The following MYO1D variants were observed in gnomAD, a reference collection of about 807,000 sequenced individuals.
The protein encoded by MYO1D is unconventional myosin-Id.
MYO1D carries 83 observed loss-of-function variants against 122.0 expected under a neutral mutation model. The ratio of observed to expected loss-of-function variants is 0.68; its 90% CI spans 0.57 to 0.82. The LOEUF (loss-of-function observed/expected upper bound fraction) is 0.82. Among genes scored for constraint, MYO1D ranks in the 40% least tolerant of loss-of-function variants. MYO1D has a pLI of 0.00. For missense variants in MYO1D, 1,157 were observed against 1,269.5 expected (o/e 0.91, Z 1.35); for synonymous variants, 464 against 446.9 (o/e 1.04, Z -0.48).
At chr17:32,779,781 C>G (rs940989146) in intron 2 of MYO1D, among the ~76,000 whole-genome samples, 1 of 152,212 alleles carries the variant, frequency 6.6e-6, no homozygotes, top group Non-Finnish European at 1.5e-5. Flanking sequence ...CTCCTCTGAC[C>G]TTTAATATTC....
chr17:32,590,290 C>A (rs966495489), intron 21 of MYO1D, among the ~76,000 whole-genome samples: 1 of 152,194 alleles, frequency 6.6e-6, no homozygotes, highest in African/African-American at 2.4e-5. Flanking sequence ...CTATGGGGAG[C>A]ATCTCACCTC....
intron 21 of MYO1D, among the ~76,000 whole-genome samples, chr17:32,590,864 A>C (rs1213803741): frequency 2.0e-5 from 3 of 152,226 alleles, no homozygotes; most frequent in African/African-American, 7.2e-5. Context: ...TTTAACATAT[A>C]TTGTAAGGTT....
intron 16 of MYO1D, among the ~76,000 whole-genome samples, chr17:32,684,633 T>C (rs2881292): frequency 0.029 from 4,490 of 152,240 alleles, 132 homozygotes; most frequent in East Asian, 0.19. Context: ...CAGCCCATCC[T>C]ATTACACAAC....
intron 1 of MYO1D, among the ~76,000 whole-genome samples, chr17:32,842,494 C>A (rs1232924432): frequency 6.6e-6 from 1 of 152,072 alleles, no homozygotes; most frequent in African/African-American, 2.4e-5. Flanking sequence ...TATGTAGATA[C>A]TTTATACACT....
At chr17:32,558,134 A>G (rs1282442574) in intron 21 of MYO1D, among the ~76,000 whole-genome samples, 2 of 152,122 alleles carry the variant, frequency 1.3e-5, no homozygotes, top group Non-Finnish European at 2.9e-5. Context: ...GTCTAGTTTA[A>G]AACAGTTTGT....
rs534969085 is a variant in MYO1D at position 32,848,280 on chromosome 17, G to A, written c.95+28498C>T. The stretch of plus-strand genomic sequence containing the variant: ...TTCCTGCTTTTCATAACTATGCTGT[G>A]GTTATGTAGGAGACCCTCCTTGTTC... On this transcript the variant is annotated intron_variant, in intron 1 of 21. Transcript: ENST00000318217. Among the ~76,000 whole-genome samples the A allele has an allele frequency of 3.9e-5, 6 of 152,256 alleles. No homozygotes were observed. The South Asian group carries it at 1.2e-3, about 32-fold the overall frequency.
At chr17:32,546,695 T>G (rs988305432) in intron 21 of MYO1D, among the ~76,000 whole-genome samples, 7 of 152,168 alleles carry the variant, frequency 4.6e-5, no homozygotes, top group African/African-American at 1.7e-4. Context: ...AAAATATGAG[T>G]TCTCCTGCCT....
chr17:32,672,966 A>G, intron 16 of MYO1D, among the ~76,000 whole-genome samples: 1 of 152,036 alleles, frequency 6.6e-6, no homozygotes. Flanking sequence ...GCCAAACTAT[A>G]TACATATTGA....
chr17:32,641,218 G>C (rs946053409), intron 19 of MYO1D, among the ~76,000 whole-genome samples: 2 of 148,148 alleles, frequency 1.3e-5, no homozygotes, highest in Non-Finnish European at 3.0e-5. Flanking sequence ...AGTTTGCTGA[G>C]AATGATGGTT....
At chr17:32,548,375 C>A (rs2086982618) in intron 21 of MYO1D, among the ~76,000 whole-genome samples, 1 of 151,544 alleles carries the variant, frequency 6.6e-6, no homozygotes, top group South Asian at 2.1e-4. Context: ...TTGCAATGAG[C>A]CAAGATCGCG....
chr17:32,715,020 C>A (rs1240093549), intron 15 of MYO1D, among the ~76,000 whole-genome samples: 1 of 151,970 alleles, frequency 6.6e-6, no homozygotes, highest in Non-Finnish European at 1.5e-5. Flanking sequence ...TAAACAGACA[C>A]TTCTCAAAAA....
chr17:32,854,658 CAGTAAAAACATTTATGGA>C (rs1338701342), intron 1 of MYO1D, among the ~76,000 whole-genome samples: 1 of 152,136 alleles, frequency 6.6e-6, no homozygotes, highest in Non-Finnish European at 1.5e-5. Context: ...CAGGTTAACA[CAGTAAAAACATTTATGGA>C]AGTAAAAACA....
chr17:32,668,017 C>T (rs965260303), intron 16 of MYO1D, among the ~76,000 whole-genome samples: 7 of 152,084 alleles, frequency 4.6e-5, no homozygotes, highest in Non-Finnish European at 8.8e-5. Context: ...AAAATTACTC[C>T]AGATAATAGG....
intron 21 of MYO1D, among the ~76,000 whole-genome samples, chr17:32,597,581 A>G (rs2087509515): frequency 1.3e-5 from 2 of 152,124 alleles, no homozygotes; most frequent in Non-Finnish European, 2.9e-5. Flanking sequence ...ATAGATACGG[A>G]TATCTTCCGG....
chr17:32,739,065 T>C (rs2089743609), intron 13 of MYO1D, among the ~76,000 whole-genome samples: 1 of 152,204 alleles, frequency 6.6e-6, no homozygotes, highest in Non-Finnish European at 1.5e-5. Context: ...TGTATATTCA[T>C]AATTTTGCTC....
intron 1 of MYO1D, among the ~76,000 whole-genome samples, chr17:32,862,494 G>A (rs2091086014): frequency 6.6e-6 from 1 of 152,226 alleles, no homozygotes; most frequent in South Asian, 2.1e-4. Flanking sequence ...GCAGGAAGAT[G>A]CCAAAGTTTT....
intron 21 of MYO1D, chr17:32,497,213 A>C (rs1597856619): frequency 6.6e-6 from 1 of 152,646 alleles, no homozygotes; most frequent in African/African-American, 2.4e-5. Flanking sequence ...AGGGAGGATC[A>C]ATTGAGGCCA....
At chr17:32,628,302 C>T (rs1041860358) in intron 20 of MYO1D, among the ~76,000 whole-genome samples, 1 of 139,644 alleles carries the variant, frequency 7.2e-6, no homozygotes, top group African/African-American at 3.4e-5. Context: ...GAAACCCTAA[C>T]CTTAGTGTGC....
chr17:32,573,874 C>T (rs569161851), intron 21 of MYO1D, among the ~76,000 whole-genome samples: 10 of 151,380 alleles, frequency 6.6e-5, no homozygotes, highest in African/African-American at 2.4e-4. Flanking sequence ...TTTTTTGAGA[C>T]GGAGTCTCGC....
Sources: gnomAD v4.1 joint callset for allele counts (sites outside exome capture counted in the v4.1 genomes callset) on GRCh38, gnomAD v4.1.1 for gene constraint, MANE v1.5 for transcripts, NCBI Gene and HGNC (gene_info 2026-07-23, HGNC 2026-07-21) for gene names.